Variants in GALNT2 observed in about 807,000 individuals in gnomAD.
The protein encoded by GALNT2 is polypeptide N-acetylgalactosaminyltransferase 2.
In GALNT2, 31 loss-of-function variants were observed where a neutral mutation model predicts 81.4. That is an observed-to-expected ratio of 0.38 (90% CI 0.29 to 0.51). The LOEUF (loss-of-function observed/expected upper bound fraction) is 0.51, where lower values mean the gene tolerates loss of function less well. Among genes scored for constraint, GALNT2 ranks in the 20% least tolerant of loss-of-function variants. The probability of loss-of-function intolerance (pLI) is 0.87; values close to 1 mark genes in which losing one functional copy is unlikely to be tolerated. For missense variants in GALNT2, 629 were observed against 765.7 expected (o/e 0.82, Z 2.11); for synonymous variants, 303 against 287.4 (o/e 1.05, Z -0.55).
chr1:230,172,785 A>G (rs1662837083), intron 1 of GALNT2, among the ~76,000 whole-genome samples: 1 of 152,200 alleles, frequency 6.6e-6, no homozygotes, highest in Non-Finnish European at 1.5e-5. Context: ...CGAAACCTAT[A>G]TTTACACTTA....
In GALNT2 at chr1:230,265,323, G is replaced by A. The variant is rs1223856596; in HGVS notation, c.1396G>A (p.Gly466Ser). 1 of 1,614,218 alleles carries A rather than the reference G, an allele frequency of 6.2e-7. No individual in the cohort carries two copies. The highest frequency in any genetic ancestry group is 8.5e-7 in the Non-Finnish European group (1 of 1,180,048). ...CLDTLGHFAD[G>S]VVGVYECHNA... ...CGACACTTTGGGACACTTTGCTGATGGTGTGGTTGGAGTTTATGAATGTCA... is the reference window on the plus strand; with the variant it reads ...CGACACTTTGGGACACTTTGCTGATAGTGTGGTTGGAGTTTATGAATGTCA... Residue 466 changes from glycine to serine, a missense_variant, in exon 14 of 16, where the codon GGT (glycine) becomes AGT (serine). By Grantham distance (56) the Gly-to-Ser change is moderately conservative. This residue lies in a region of GALNT2 where 207 missense variants were observed against 225.5 expected (regional missense o/e 0.92). Transcript: ENST00000366672.
At chr1:230,202,207 A>G (rs933429405) in intron 2 of GALNT2, among the ~76,000 whole-genome samples, 5 of 152,016 alleles carry the variant, frequency 3.3e-5, no homozygotes, top group Admixed American at 2.6e-4. Flanking sequence ...AGAATCATAA[A>G]TGTTCTCCTT....
At chr1:230,102,331 T>C (rs146718587) in intron 1 of GALNT2, among the ~76,000 whole-genome samples, 1 of 152,256 alleles carries the variant, frequency 6.6e-6, no homozygotes, top group African/African-American at 2.4e-5. Flanking sequence ...TTTCATTCTG[T>C]GAATCAGGAA....
chr1:230,259,770 A>C (rs572602041), intron 11 of GALNT2: 2 of 152,332 alleles, frequency 1.3e-5, no homozygotes, highest in South Asian at 4.2e-4. Flanking sequence ...AAGCCTGAAA[A>C]GACATTACAA....
intron 1 of GALNT2, among the ~76,000 whole-genome samples, chr1:230,084,915 C>T (rs895944452): frequency 1.3e-5 from 2 of 152,144 alleles, no homozygotes; most frequent in African/African-American, 2.4e-5. Context: ...AGAATGTCTG[C>T]TTTTTCGTCC....
At chr1:230,149,145 T>C (rs1227547602) in intron 1 of GALNT2, among the ~76,000 whole-genome samples, 1 of 152,220 alleles carries the variant, frequency 6.6e-6, no homozygotes, top group Non-Finnish European at 1.5e-5. Context: ...CCTCCCAAAG[T>C]GCTGAGATTA....
chr1:230,073,902 C>T (rs1558270386), intron 1 of GALNT2, among the ~76,000 whole-genome samples: 1 of 152,186 alleles, frequency 6.6e-6, no homozygotes, highest in Non-Finnish European at 1.5e-5. Context: ...CTGACCACCT[C>T]CTCCTGCCCA....
intron 1 of GALNT2, among the ~76,000 whole-genome samples, chr1:230,086,644 C>A (rs1558277129): frequency 6.6e-6 from 1 of 152,122 alleles, no homozygotes; most frequent in Non-Finnish European, 1.5e-5. Context: ...CTTGGCTCAC[C>A]CCTGCTCAGG....
At position 230,193,484 on chromosome 1, in the gene GALNT2, C is replaced by T. The variant is rs1253192276; in HGVS notation, c.221-9653C>T. ...GCCTCTGTGTGCTGGGGTTTGCATG[C>T]GCCTCTCTGTGCTGGGGTGTGCGTG... On this transcript the variant is annotated intron_variant, in intron 2 of 15. Transcript: ENST00000366672. The surrounding 1 kb of genome is among the most constrained non-coding windows in gnomAD (Gnocchi z 4.3). Among the ~76,000 whole-genome samples, 2 of 151,872 alleles carry T rather than the reference C, an allele frequency of 1.3e-5. No individual in the cohort carries two copies. Among genetic ancestry groups the T allele is most frequent in the Non-Finnish European group, 2.9e-5 (2 of 67,978 alleles).
intron 8 of GALNT2, among the ~76,000 whole-genome samples, chr1:230,247,053 A>C (rs939731930): frequency 2.6e-5 from 4 of 151,532 alleles, no homozygotes; most frequent in African/African-American, 9.7e-5. Context: ...CAGCCTGGGC[A>C]ACATAACAAG....
intron 1 of GALNT2, among the ~76,000 whole-genome samples, chr1:230,168,128 G>T (rs563968248): frequency 6.6e-6 from 1 of 152,128 alleles, no homozygotes; most frequent in South Asian, 2.1e-4. Context: ...TGGGGAGGCG[G>T]TGGACTCGGA....
At chr1:230,148,793 C>G (rs1389931572) in intron 1 of GALNT2, among the ~76,000 whole-genome samples, 1 of 151,920 alleles carries the variant, frequency 6.6e-6, no homozygotes, top group Non-Finnish European at 1.5e-5. Flanking sequence ...CGCTCTATTG[C>G]CCAGGCTGGT....
intron 2 of GALNT2, among the ~76,000 whole-genome samples, chr1:230,192,166 A>G (rs1663547913): frequency 6.6e-6 from 1 of 152,188 alleles, no homozygotes; most frequent in South Asian, 2.1e-4. Context: ...TTTCGCTTCA[A>G]TTTTCCCCAC....
intron 13 of GALNT2, chr1:230,264,898 T>C (rs1010510243): frequency 1.4e-5 from 3 of 221,104 alleles, no homozygotes; most frequent in South Asian, 8.4e-5. Context: ...CAACAGGATC[T>C]GACCACATTG....
At chr1:230,146,586 A>G (rs1271330642) in intron 1 of GALNT2, among the ~76,000 whole-genome samples, 1 of 152,160 alleles carries the variant, frequency 6.6e-6, no homozygotes, top group East Asian at 1.9e-4. Flanking sequence ...CTGCACACTC[A>G]GTATTAGATG....
chr1:230,071,574 G>T (rs1344922708), intron 1 of GALNT2, among the ~76,000 whole-genome samples: 1 of 152,178 alleles, frequency 6.6e-6, no homozygotes, highest in Non-Finnish European at 1.5e-5. Flanking sequence ...AAGCATGCAT[G>T]ACTTGAGGTG....
At chr1:230,272,955 A>G (rs1349829409) in intron 14 of GALNT2, among the ~76,000 whole-genome samples, 3 of 152,062 alleles carry the variant, frequency 2.0e-5, no homozygotes, top group African/African-American at 7.2e-5. Flanking sequence ...TATTTTTAGT[A>G]CAAACAAGGT....
At chr1:230,189,875 A>G (rs1204986637) in intron 2 of GALNT2, among the ~76,000 whole-genome samples, 6 of 152,156 alleles carry the variant, frequency 3.9e-5, no homozygotes, top group Admixed American at 3.9e-4. Flanking sequence ...GGTCCCTCAT[A>G]TGAGTGCAGC....
At chr1:230,093,046 C>G (rs1347153785) in intron 1 of GALNT2, among the ~76,000 whole-genome samples, 1 of 152,124 alleles carries the variant, frequency 6.6e-6, no homozygotes, top group African/African-American at 2.4e-5. Flanking sequence ...AACCTGAAAC[C>G]CAAAGTGCTG....
Sources: allele counts gnomAD v4.1 joint callset (sites outside exome capture counted in the v4.1 genomes callset), GRCh38; gene constraint gnomAD v4.1.1; regional missense constraint gnomAD v4.1.1; non-coding constraint Gnocchi (gnomAD v3.1); transcripts MANE v1.5; gene names NCBI Gene and HGNC (gene_info 2026-07-23, HGNC 2026-07-21).